Variants in MCM8 observed in about 807,000 individuals in gnomAD.
The protein encoded by MCM8 is DNA helicase MCM8.
MCM8 carries 85 observed loss-of-function variants against 98.9 expected under a neutral mutation model. That is an observed-to-expected ratio of 0.86 (90% CI 0.72 to 1.03). The LOEUF (loss-of-function observed/expected upper bound fraction) is 1.03. Among genes scored for constraint, MCM8 ranks in the 50% least tolerant of loss-of-function variants. The probability of loss-of-function intolerance (pLI) is 0.00; values close to 1 mark genes in which losing one functional copy is unlikely to be tolerated. For missense variants in MCM8, 951 were observed against 997.8 expected (o/e 0.95, Z 0.63); for synonymous variants, 352 against 338.6 (o/e 1.04, Z -0.44).
chr20:5,955,381 C>T (rs933716007), intron 5 of MCM8, 130 bp downstream of exon 5: 14 of 821,002 alleles, frequency 1.7e-5, no homozygotes, highest in South Asian at 4.3e-5. Context: ...TTAGCTTTTA[C>T]GAAAAGATGT....
intron 14 of MCM8, among the ~76,000 whole-genome samples, chr20:5,984,295 T>C (rs1012167871): frequency 1.3e-5 from 2 of 152,242 alleles, no homozygotes; most frequent in African/African-American, 4.8e-5. Context: ...ACACAATGTG[T>C]ACTTGGAGAT....
In MCM8 at chr20:5,967,819, T is replaced by C. The variant is rs374062245; in HGVS notation, c.1028-11T>C. On this transcript the variant is annotated splice_polypyrimidine_tract_variant and intron_variant, in intron 9 of 18. Coordinates refer to ENST00000610722, the MANE Select transcript of MCM8 (RefSeq NM_032485.6). ...ATACCAACTATTGTATTTAACACTT[T>C]TAATTTACAGGTTCTCGAAATAAGA... is the stretch of plus-strand genomic sequence containing the variant. 350 of 1,594,128 alleles carry C rather than the reference T, an allele frequency of 2.2e-4. 1 individual carries two copies. The highest frequency in any genetic ancestry group is 9.6e-4 in the Middle Eastern group (5 of 5,232).
chr20:5,951,573 T>G (rs545166098), intron 1 of MCM8, among the ~76,000 whole-genome samples: 1 of 152,208 alleles, frequency 6.6e-6, no homozygotes, highest in Non-Finnish European at 1.5e-5. Context: ...ATTGACTGTA[T>G]GTAAGAAGCT....
chr20:5,962,065 G>A (rs1334163943), intron 7 of MCM8, among the ~76,000 whole-genome samples: 2 of 152,232 alleles, frequency 1.3e-5, no homozygotes, highest in African/African-American at 4.8e-5. Context: ...TCAGATGGTG[G>A]CTGGAGTACA....
intron 15 of MCM8, among the ~76,000 whole-genome samples, chr20:5,985,634 C>CT (rs1048605461): frequency 5.9e-5 from 9 of 151,928 alleles, no homozygotes; most frequent in African/African-American, 1.9e-4. Flanking sequence ...CAACCTCTGT[C>CT]TCCCGGGTTC....
In MCM8 at chr20:5,958,534, C is replaced by A. The variant is rs1304435917; in HGVS notation, c.597C>A (p.Tyr199Ter). 1 of 1,613,490 alleles carries A rather than the reference C, an allele frequency of 6.2e-7. No individual in the cohort carries two copies. The highest frequency in any genetic ancestry group is 8.5e-7 in the Non-Finnish European group (1 of 1,179,616). ...VNVPHIHARV[Y>*]NYEPLTQLKN... ...CTTCCTGTTTTGTCTTTAGGGTGTA[C>A]AACTATGAGCCTTTGACACAGCTCA... is the stretch of plus-strand genomic sequence containing the variant. The change falls in exon 7 of 19, where the codon TAC becomes TAA. Residue 199 changes from tyrosine (Y) to a stop codon, truncating the protein, a stop_gained. Coordinates refer to ENST00000610722, the MANE Select transcript of MCM8 (RefSeq NM_032485.6). LOFTEE classifies it high-confidence loss of function.
chr20:5,957,790 C>T (rs1052204826), intron 6 of MCM8, among the ~76,000 whole-genome samples: 1 of 152,122 alleles, frequency 6.6e-6, no homozygotes, highest in Non-Finnish European at 1.5e-5. Flanking sequence ...TTGTTAGATA[C>T]AAGGGAATAA....
intron 7 of MCM8, among the ~76,000 whole-genome samples, chr20:5,959,560 C>G (rs988982258): frequency 6.6e-6 from 1 of 152,124 alleles, no homozygotes; most frequent in Middle Eastern, 3.4e-3. Flanking sequence ...AAATAAATAG[C>G]CACAATTTAT....
chr20:5,979,180 G>C (rs1353397248), intron 13 of MCM8, among the ~76,000 whole-genome samples: 1 of 152,082 alleles, frequency 6.6e-6, no homozygotes, highest in African/African-American at 2.4e-5. Context: ...CCTCCTCCTT[G>C]AGACCCTTGA....
intron 7 of MCM8, among the ~76,000 whole-genome samples, chr20:5,961,442 CATAAG>C (rs2089140970): frequency 6.6e-6 from 1 of 152,060 alleles, no homozygotes; most frequent in Admixed American, 6.5e-5. Flanking sequence ...AAAAGGGAAA[CATAAG>C]ATGTTTATGT....
chr20:5,973,599 C>T (rs1416658600), intron 12 of MCM8, among the ~76,000 whole-genome samples: 2 of 152,164 alleles, frequency 1.3e-5, no homozygotes, highest in African/African-American at 2.4e-5. Context: ...TAAGAACAGT[C>T]TGCTAAAGGT....
chr20:5,958,233 G>T (rs1474041717), intron 6 of MCM8, among the ~76,000 whole-genome samples: 1 of 152,138 alleles, frequency 6.6e-6, no homozygotes, highest in Non-Finnish European at 1.5e-5. Context: ...GCTGGGTGTG[G>T]TGGCACACAC....
rs140101301 is a variant in MCM8, at chr20:5,993,553, G to A, written c.2288G>A (p.Arg763Gln). The A allele has an allele frequency of 2.5e-6, 4 of 1,586,028 alleles. No homozygotes were observed. The African/African-American group carries it at 4.0e-5, about 16-fold the overall frequency. The change falls in exon 18 of 19, where the codon CGA (arginine) becomes CAA (glutamine). Residue 763 changes from arginine (R) to glutamine (Q), a missense_variant. Coordinates refer to ENST00000610722, the MANE Select transcript of MCM8 (RefSeq NM_032485.6). ...GAATTTGGGAACCTAGATTTTGAGC[G>A]ATCCCAGCATGGTTCTGGAATGAGC... ...SDEFGNLDFE[R>Q]SQHGSGMSNR...
chr20:5,967,584 GA>G lies in MCM8; in HGVS notation c.1026del (p.Gly343ValfsTer40). On this transcript the variant is annotated frameshift_variant and splice_region_variant, in exon 9 of 19. Coordinates refer to ENST00000610722, the MANE Select transcript of MCM8 (RefSeq NM_032485.6). LOFTEE classifies it high-confidence loss of function. ...AATTGTCAAAGTCTCAAATGCGGAA[GA>G]AGGTAGGGTACAACTCTTTTCATTA... ...TGIVKVSNAE[E>X]GSRNKNDKCM... 1.2e-6 allele frequency: 2 copies of G among 1,611,022 alleles called. No homozygotes were observed. Among genetic ancestry groups the G allele is most frequent in the Non-Finnish European group, 1.7e-6 (2 of 1,177,842 alleles).
intron 7 of MCM8, among the ~76,000 whole-genome samples, chr20:5,960,256 T>G (rs1267918224): frequency 6.6e-6 from 1 of 152,158 alleles, no homozygotes; most frequent in Non-Finnish European, 1.5e-5. Flanking sequence ...TATCTAATGT[T>G]CATTTTCCTG....
Position 5,986,074 on chromosome 20 carries a change from G to A in MCM8, c.2106G>A (p.Arg702=), listed in dbSNP as rs757375539. The change falls in exon 16 of 19, where the codon AGG becomes AGA. Residue 702 remains arginine, a synonymous_variant. Coordinates refer to ENST00000610722, the MANE Select transcript of MCM8 (RefSeq NM_032485.6). ...FYLELRKQSQ[R]LNSSPITTRQ... The stretch of plus-strand genomic sequence containing the variant: ...TTGAGCTCCGGAAACAGAGCCAGAG[G>A]TTAAATAGCTCACCAATCACTACCA... 3 of 1,614,076 alleles carry A rather than the reference G, an allele frequency of 1.9e-6. No homozygotes were observed. The highest frequency in any genetic ancestry group is 2.5e-6 in the Non-Finnish European group (3 of 1,180,052).
chr20:5,986,397 G>GTCTCCTAATATCT (rs2089736373), intron 16 of MCM8, among the ~76,000 whole-genome samples: 1 of 152,174 alleles, frequency 6.6e-6, no homozygotes, highest in Non-Finnish European at 1.5e-5. Flanking sequence ...GGAGACTCCT[G>GTCTCCTAATATCT]GAATATCTGA....
intron 16 of MCM8, 24 bp downstream of exon 16, chr20:5,986,155 C>A: frequency 6.2e-7 from 1 of 1,609,014 alleles, no homozygotes; most frequent in Non-Finnish European, 8.5e-7. Context: ...TATGGTCATG[C>A]TTTTTTTGGC....
In MCM8 at chr20:5,967,428, C is replaced by T; in HGVS notation, c.876-8C>T. ...GTATTCTAACTGAAAACTATTTAAA[C>T]TTTTTAGAATCCAGGAATTGATGTC... On this transcript the variant is annotated splice_region_variant and splice_polypyrimidine_tract_variant and intron_variant, in intron 8 of 18. Coordinates refer to ENST00000610722, the MANE Select transcript of MCM8 (RefSeq NM_032485.6). The T allele has an allele frequency of 6.2e-7, 1 of 1,611,266 alleles. No individual in the cohort carries two copies. Among genetic ancestry groups the T allele is most frequent in the Non-Finnish European group, 8.5e-7 (1 of 1,178,198 alleles).
Sources: gnomAD v4.1 joint callset for allele counts (sites outside exome capture counted in the v4.1 genomes callset) on GRCh38, gnomAD v4.1.1 for gene constraint, MANE v1.5 for transcripts, NCBI Gene and HGNC (gene_info 2026-07-23, HGNC 2026-07-21) for gene names.